The following MYH8 variants were observed in gnomAD, a reference collection of about 807,000 sequenced individuals.
MYH8 encodes myosin-8.
In MYH8, 168 loss-of-function variants were observed where a neutral mutation model predicts 233.2. The ratio of observed to expected loss-of-function variants is 0.72; its 90% CI spans 0.64 to 0.82. The LOEUF (loss-of-function observed/expected upper bound fraction) is 0.82. Among genes scored for constraint, MYH8 ranks in the 40% least tolerant of loss-of-function variants. The pLI is 0.00. For synonymous variants in MYH8, 785 were observed against 850.6 expected (o/e 0.92, Z 1.34); for missense variants, 1,995 against 2,327.8 (o/e 0.86, Z 2.94).
At chr17:10,399,514 G>T (rs2072113948) in intron 28 of MYH8, 29 bp downstream of exon 28, 1 of 1,612,438 alleles carries the variant, frequency 6.2e-7, no homozygotes, top group Admixed American at 1.7e-5. Flanking sequence ...TTAGTCCATG[G>T]TGTTGGGACC....
intron 2 of MYH8, 106 bp from the exon 3 acceptor site, chr17:10,420,363 A>G (rs1020094760): frequency 5.7e-6 from 6 of 1,057,972 alleles, no homozygotes; most frequent in African/African-American, 4.7e-5. Flanking sequence ...TGCTGTAACT[A>G]TTCCTCCAAA....
rs773334843 is a variant in MYH8 at position 10,412,525 on chromosome 17, C to G, written c.1267-6G>C. Reference sequence around the variant, plus strand: ...GCACCCACCGCATTGTACACCTTCACAGATAGAGTAATGTTTGTTGGTATT... The same window carrying G: ...GCACCCACCGCATTGTACACCTTCAGAGATAGAGTAATGTTTGTTGGTATT... On this transcript the variant is annotated splice_region_variant and splice_polypyrimidine_tract_variant and intron_variant, in intron 13 of 39. Coordinates refer to ENST00000403437, the MANE Select transcript of MYH8 (RefSeq NM_002472.3). 1.9e-6 allele frequency: 3 copies of G among 1,614,098 alleles called. No individual in the cohort carries two copies. Among genetic ancestry groups the G allele is most frequent in the African/African-American group, 1.3e-5 (1 of 74,934 alleles).
chr17:10,404,424 T>C lies in MYH8; in HGVS notation c.2594A>G (p.Glu865Gly). 1.9e-6 allele frequency: 3 copies of C among 1,614,066 alleles called. No homozygotes were observed. The highest frequency in any genetic ancestry group is 2.5e-6 in the Non-Finnish European group (3 of 1,179,966). The change falls in exon 22 of 40, where the codon GAA becomes GGA. Residue 865 changes from glutamate (E) to glycine (G), a missense_variant. By Grantham distance (98) the Glu-to-Gly change is moderately conservative. This residue lies in a region of MYH8 where 1,498 missense variants were observed against 1,680.9 expected (regional missense o/e 0.89). Transcript: ENST00000403437. ...CCGTTTTGCCTCTGACTTGGCGAGTTCATCTTTGGTTTTCTGGAATTCTTC... is the reference window on the plus strand; with the variant it reads ...CCGTTTTGCCTCTGACTTGGCGAGTCCATCTTTGGTTTTCTGGAATTCTTC... ...MKEEFQKTKD[E>G]LAKSEAKRKE...
At chr17:10,416,389 A>G (rs79959235) in intron 5 of MYH8, among the ~76,000 whole-genome samples, 32 of 152,146 alleles carry the variant, frequency 2.1e-4, no homozygotes, top group Admixed American at 1.8e-3. Context: ...TGTTTTTGCT[A>G]TTGTAAATAA....
At chr17:10,394,485 T>G in intron 34 of MYH8, 33 bp from the exon 35 acceptor site, 1 of 1,610,328 alleles carries the variant, frequency 6.2e-7, no homozygotes, top group Non-Finnish European at 8.5e-7. Flanking sequence ...GCCTTAAGTG[T>G]TCTGAAGAGG....
At chr17:10,413,310 C>T (rs1256773448) in intron 12 of MYH8, among the ~76,000 whole-genome samples, 6 of 152,288 alleles carry the variant, frequency 3.9e-5, no homozygotes, top group East Asian at 1.9e-4. Context: ...AATGTCAATT[C>T]GAGGTGGTCA....
intron 11 of MYH8, 56 bp from the exon 12 acceptor site, chr17:10,414,096 G>T (rs2072268499): frequency 6.2e-7 from 1 of 1,611,640 alleles, no homozygotes; most frequent in Admixed American, 1.7e-5. Flanking sequence ...ACTTATAAGA[G>T]AATTTATACA....
intron 33 of MYH8, among the ~76,000 whole-genome samples, chr17:10,395,839 G>A (rs2072073468): frequency 6.6e-6 from 1 of 151,982 alleles, no homozygotes; most frequent in Admixed American, 6.6e-5. Flanking sequence ...ATTGTATAAT[G>A]TGGAGGCAAT....
rs755789235 is a variant in MYH8, at chr17:10,401,422, G to A, written c.2961C>T (p.Gly987=). 3 of 1,613,774 alleles carry A rather than the reference G, an allele frequency of 1.9e-6. No homozygotes were observed. In the South Asian group the frequency reaches 3.3e-5, roughly 18 times the overall value. Residue 987 remains glycine (G), a synonymous_variant, in exon 24 of 40, where the codon GGC becomes GGT. Coordinates refer to ENST00000403437, the MANE Select transcript of MYH8 (RefSeq NM_002472.3). ...ACAGTTTTGCAATGGTTTCATCCAG[G>A]CCTGCCATCTCTTCTGTAAGATTTT... ...KVKNLTEEMA[G]LDETIAKLSK...
At chr17:10,411,890 A>G (rs2072247089) in intron 14 of MYH8, among the ~76,000 whole-genome samples, 1 of 152,156 alleles carries the variant, frequency 6.6e-6, no homozygotes, top group Admixed American at 6.5e-5. Flanking sequence ...CCTGGAGGTA[A>G]AATAGTTTAT....
In MYH8 at chr17:10,391,762, C is replaced by A. The variant is rs537749061; in HGVS notation, c.5664+120G>T. The A allele has an allele frequency of 2.0e-4, 159 of 783,430 alleles. 2 individuals are homozygous for A. The highest frequency in any genetic ancestry group is 1.2e-3 in the South Asian group (83 of 69,970). 48.5% of individuals were successfully genotyped at this position (783,430 alleles called of 1,614,324 possible). On this transcript the variant is annotated intron_variant, in intron 39 of 39. Coordinates refer to ENST00000403437, the MANE Select transcript of MYH8 (RefSeq NM_002472.3). Reference sequence around the variant, plus strand: ...GACAAATTCATATTTATAAAATCATCCCTCTTAAAATGAGTGGTAGATTTT... The same window carrying A: ...GACAAATTCATATTTATAAAATCATACCTCTTAAAATGAGTGGTAGATTTT...
At chr17:10,420,528 T>C (rs1206902215) in intron 2 of MYH8, among the ~76,000 whole-genome samples, 1 of 152,244 alleles carries the variant, frequency 6.6e-6, no homozygotes, top group African/African-American at 2.4e-5. Flanking sequence ...GAATGAAACC[T>C]CTACAGCTAA....
At chr17:10,408,546 A>T (rs1046655959) in intron 17 of MYH8, among the ~76,000 whole-genome samples, 4 of 152,204 alleles carry the variant, frequency 2.6e-5, no homozygotes, top group African/African-American at 9.7e-5. Context: ...TACATAGGAA[A>T]ATCACATTAC....
intron 5 of MYH8, among the ~76,000 whole-genome samples, chr17:10,416,255 G>A (rs1361545448): frequency 1.3e-5 from 2 of 152,074 alleles, no homozygotes; most frequent in African/African-American, 4.8e-5. Flanking sequence ...GTGTCCTCAA[G>A]GTTCATTCAT....
At chr17:10,401,009 G>A (rs2072135314) in intron 25 of MYH8, 37 bp downstream of exon 25, 2 of 1,613,168 alleles carry the variant, frequency 1.2e-6, no homozygotes, top group Non-Finnish European at 1.7e-6. Flanking sequence ...ATTGAAAGAT[G>A]ATATCACATA....
chr17:10,395,256 A>T lies in MYH8; in HGVS notation c.4839T>A (p.Asp1613Glu). The T allele has an allele frequency of 6.2e-7, 1 of 1,614,134 alleles. No homozygotes were observed. ...CCATTTTCTTCTTGACTCTCAGAGC[A>T]TCATTTCTGCTTCTAATCTCTGCAT... ...TLDAEIRSRN[D>E]ALRVKKKMEG... The change falls in exon 34 of 40, where the codon GAT (aspartate) becomes GAA (glutamate). Residue 1613 changes from aspartate (D) to glutamate (E), a missense_variant. Coordinates refer to ENST00000403437, the MANE Select transcript of MYH8 (RefSeq NM_002472.3).
Position 10,409,288 on chromosome 17 carries a change from C to T in MYH8, c.1888G>A (p.Ala630Thr). Residue 630 changes from alanine (A) to threonine (T), a missense_variant, in exon 16 of 40, where the codon GCT (alanine) becomes ACT (threonine). By Grantham distance (58) the Ala-to-Thr change is moderately conservative (BLOSUM62 0). Coordinates refer to ENST00000403437, the MANE Select transcript of MYH8 (RefSeq NM_002472.3). ...AGGACACAGAAAGTACCTGCTTCAG[C>T]ACTAGCATACGTGGAAAAGAGACTG... Reference protein sequence around the residue: ...LASLFSTYASAEADSSAKKGA... With the variant: ...LASLFSTYASTEADSSAKKGA... 1 of 1,614,220 alleles carries T rather than the reference C, an allele frequency of 6.2e-7. No homozygotes were observed. Among genetic ancestry groups the T allele is most frequent in the Non-Finnish European group, 8.5e-7 (1 of 1,180,028 alleles).
At chr17:10,391,499 G>T (rs1291412520) in intron 39 of MYH8, among the ~76,000 whole-genome samples, 1 of 152,046 alleles carries the variant, frequency 6.6e-6, no homozygotes, top group Non-Finnish European at 1.5e-5. Context: ...GGCCAACACG[G>T]TGAAGCCCTG....
Position 10,413,909 on chromosome 17 carries a change from G to A in MYH8, c.1140C>T (p.Gly380=). ...TAAAGTTTCATTTGGTACCTTCTGTGCCATCTGGCTCAGCTTGCTCCTCAC... is the reference window on the plus strand; with the variant it reads ...TAAAGTTTCATTTGGTACCTTCTGTACCATCTGGCTCAGCTTGCTCCTCAC... The part of the protein sequence containing the change: ...KQREEQAEPD[G]TEVADKAAYL... Residue 380 remains glycine, a synonymous_variant, in exon 12 of 40, where the codon GGC becomes GGT. Coordinates refer to ENST00000403437, the MANE Select transcript of MYH8 (RefSeq NM_002472.3). The A allele has an allele frequency of 6.2e-7, 1 of 1,613,736 alleles. No homozygotes were observed. Among genetic ancestry groups the A allele is most frequent in the Non-Finnish European group, 8.5e-7 (1 of 1,179,950 alleles).
Sources: gnomAD v4.1 joint callset for allele counts (sites outside exome capture counted in the v4.1 genomes callset) on GRCh38, gnomAD v4.1.1 for gene constraint, gnomAD v4.1.1 regional missense constraint, MANE v1.5 for transcripts, NCBI Gene and HGNC (gene_info 2026-07-23, HGNC 2026-07-21) for gene names.